RP1: variants seen among roughly 807,000 people sequenced by gnomAD.
The protein encoded by RP1 is RP1 axonemal microtubule associated, also known as oxygen-regulated protein 1.
RP1 carries 16 observed loss-of-function variants against 14.8 expected under a neutral mutation model. The observed-to-expected ratio is 1.08, with a 90% CI of 0.73 to 1.65. The LOEUF (loss-of-function observed/expected upper bound fraction) is 1.65, where lower values mean the gene tolerates loss of function less well. RP1 is among the 40% of genes most tolerant of loss of function. The pLI, the probability that RP1 is intolerant of heterozygous loss-of-function variation, is 0.00. For synonymous variants in RP1, 876 were observed against 883.6 expected (o/e 0.99, Z 0.15); for missense variants, 2,631 against 2,535.0 (o/e 1.04, Z -0.81).
At chr8:54,750,804 C>T (rs7815704) in intron 19 of RP1, among the ~76,000 whole-genome samples, 16 of 152,262 alleles carry the variant, frequency 1.1e-4, no homozygotes, top group South Asian at 2.1e-4. Flanking sequence ...ATCAGTAAAA[C>T]GCACCAATCA....
chr8:54,855,194 A>G (rs1812161214), intron 26 of RP1, among the ~76,000 whole-genome samples: 1 of 152,208 alleles, frequency 6.6e-6, no homozygotes, highest in Admixed American at 6.5e-5. Context: ...CACTTAGCAT[A>G]ATATCCTCAA....
intron 12 of RP1, among the ~76,000 whole-genome samples, chr8:54,695,617 G>A (rs1244395039): frequency 2.6e-5 from 4 of 152,048 alleles, no homozygotes; most frequent in Admixed American, 2.0e-4. Context: ...TTAGTTTTCA[G>A]ATTCTTTCAT....
chr8:54,786,536 C>T (rs1498181), intron 24 of RP1, among the ~76,000 whole-genome samples: 118,863 of 151,836 alleles, frequency 0.78, 47,223 homozygotes, highest in African/African-American at 0.92. Flanking sequence ...TGGTAGAGAG[C>T]AGATCAAAGT....
chr8:54,606,007 C>G lies in RP1; in HGVS notation c.-12-14948C>G, dbSNP rs1228430553. ...TTGACTCTTTATCCAATTTGCCAGT[C>G]TGTGTCTTTTAATTGGAGTATTTAG... On this transcript the variant is annotated intron_variant, in intron 1 of 22. Coordinates refer to the RP1 transcript ENST00000636932. Among the ~76,000 whole-genome samples the G allele has an allele frequency of 2.6e-5, 4 of 151,484 alleles. No homozygotes were observed. The South Asian group carries it at 6.3e-4, about 24-fold the overall frequency.
chr8:54,594,297 T>C (rs1805094135), intron 1 of RP1, among the ~76,000 whole-genome samples: 1 of 151,266 alleles, frequency 6.6e-6, no homozygotes, highest in Admixed American at 6.6e-5. Flanking sequence ...CTGAGAGAAC[T>C]TGGGACCAGG....
At position 54,759,043 on chromosome 8, in the gene RP1, G is replaced by A. The variant is rs973221981; in HGVS notation, c.3215G>A (p.Gly1072Asp). 98 of 1,535,240 alleles carry A rather than the reference G, an allele frequency of 6.4e-5. 1 individual carries two copies. Among genetic ancestry groups the A allele is most frequent in the Non-Finnish European group, 8.2e-5 (94 of 1,146,800 alleles). ...GAACAAGTCATAGTCAGAGAGCCCGGCACCACATCCGAGTCCATCTTTACC... is the reference window on the plus strand; with the variant it reads ...GAACAAGTCATAGTCAGAGAGCCCGACACCACATCCGAGTCCATCTTTACC... Residue 1072 changes from glycine to aspartate, a missense_variant, in exon 22 of 23, where the codon GGC (glycine) becomes GAC (aspartate). By Grantham distance (94) the Gly-to-Asp change is moderately conservative. Coordinates refer to the RP1 transcript ENST00000636932.
rs1812391629 is a variant in RP1, at chr8:54,863,292, C to T, written c.4070-2543C>T. ...TTGCCTACAGTATTTAGTACAGTAA[C>T]ACGCTGAACAGGTTATAGCCTAAGA... is the stretch of plus-strand genomic sequence containing the variant. On this transcript the variant is annotated intron_variant, in intron 27 of 28. Transcript: ENST00000637698. Among the ~76,000 whole-genome samples the T allele has an allele frequency of 2.0e-5, 3 of 152,022 alleles. No individual in the cohort carries two copies. In the South Asian group the frequency reaches 6.2e-4, roughly 31 times the overall value.
At chr8:54,693,587 A>G (rs1299349476) in intron 12 of RP1, among the ~76,000 whole-genome samples, 2 of 152,098 alleles carry the variant, frequency 1.3e-5, no homozygotes, top group Admixed American at 1.3e-4. Context: ...GCAATTGTGA[A>G]TGGGAGTTCA....
intron 8 of RP1, among the ~76,000 whole-genome samples, chr8:54,677,531 G>A (rs961323956): frequency 6.6e-5 from 10 of 151,988 alleles, no homozygotes; most frequent in African/African-American, 1.4e-4. Flanking sequence ...GTTCAAGACC[G>A]GCCTGGGCAA....
At chr8:54,824,677 A>G (rs549999166) in intron 24 of RP1, among the ~76,000 whole-genome samples, 1 of 152,320 alleles carries the variant, frequency 6.6e-6, no homozygotes, top group South Asian at 2.1e-4. Context: ...ATATTACCAA[A>G]TAGAATTCAG....
intron 18 of RP1, among the ~76,000 whole-genome samples, chr8:54,735,724 C>T (rs1226772864): frequency 6.6e-6 from 1 of 152,168 alleles, no homozygotes; most frequent in Non-Finnish European, 1.5e-5. Context: ...GCAGCCATAC[C>T]TTATACAAAT....
intron 24 of RP1, among the ~76,000 whole-genome samples, chr8:54,787,250 C>G (rs1810341069): frequency 6.6e-6 from 1 of 152,026 alleles, no homozygotes; most frequent in Non-Finnish European, 1.5e-5. Context: ...AAATTAAGAG[C>G]AAAATGTCCA....
At chr8:54,677,421 A>G (rs748763049) in intron 8 of RP1, among the ~76,000 whole-genome samples, 13 of 152,152 alleles carry the variant, frequency 8.5e-5, no homozygotes, top group Non-Finnish European at 1.5e-4. Flanking sequence ...AGCGTCTTAT[A>G]TGCTGCGTTA....
At chr8:54,715,743 T>A (rs1246171493) in intron 15 of RP1, among the ~76,000 whole-genome samples, 1 of 152,186 alleles carries the variant, frequency 6.6e-6, no homozygotes, top group Non-Finnish European at 1.5e-5. Flanking sequence ...ATTATGAGAT[T>A]AGAAATTAGT....
At chr8:54,601,308 C>T (rs1016365392) in intron 1 of RP1, among the ~76,000 whole-genome samples, 3 of 151,218 alleles carry the variant, frequency 2.0e-5, no homozygotes, top group Non-Finnish European at 4.4e-5. Context: ...TTGAAAGAAG[C>T]GATATTCACA....
downstream of RP1, chr8:54,770,226 A>T (rs1456651700): frequency 5.0e-5 from 20 of 399,668 alleles, no homozygotes; most frequent in East Asian, 6.8e-4. Context: ...TTTCTGTTTC[A>T]AGATTACCAG....
chr8:54,628,786 T>C lies in RP1; in HGVS notation c.4904T>C (p.Leu1635Pro). 1.9e-6 allele frequency: 3 copies of C among 1,614,102 alleles called. No homozygotes were observed. The highest frequency in any genetic ancestry group is 2.5e-6 in the Non-Finnish European group (3 of 1,179,976). Reference protein sequence around the residue: ...IGFVKRAIEKLYGKADIIKPS... With the variant: ...IGFVKRAIEKPYGKADIIKPS... ...TTTGTTAAAAGGGCAATAGAAAAAC[T>C]GTACGGTAAAGCAGATATTATCAAA... Residue 1635 changes from leucine (L) to proline (P), a missense_variant, in exon 4 of 4, where the codon CTG becomes CCG. Physicochemically the swap from Leu to Pro is moderately conservative, Grantham distance 98 (BLOSUM62 -3). Transcript: ENST00000220676.
At position 54,857,414 on chromosome 8, in the gene RP1, A is replaced by G. The variant is rs189523750; in HGVS notation, c.4069+308A>G. Among the ~76,000 whole-genome samples, 9 of 148,956 alleles carry G rather than the reference A, an allele frequency of 6.0e-5. No individual in the cohort carries two copies. In the East Asian group the frequency reaches 1.4e-3, roughly 23 times the overall value. On this transcript the variant is annotated intron_variant, in intron 27 of 28. Coordinates refer to the RP1 transcript ENST00000637698. ...ATGTAGATTTATGATATATATTTAC[A>G]TTAGGTATATTTACATTAAATATAA...
intron 9 of RP1, chr8:54,678,599 G>T: frequency 7.5e-7 from 1 of 1,337,162 alleles, no homozygotes; most frequent in South Asian, 1.3e-5. Flanking sequence ...TTTGTGCATT[G>T]AGAACTGGGT....
Sources: allele counts gnomAD v4.1 joint callset (sites outside exome capture counted in the v4.1 genomes callset), GRCh38; gene constraint gnomAD v4.1.1; transcripts MANE v1.5; gene names NCBI Gene and HGNC (gene_info 2026-07-23, HGNC 2026-07-21).